Variants in DPYSL3 observed in about 807,000 individuals in gnomAD.
The protein encoded by DPYSL3 is dihydropyrimidinase like 3.
DPYSL3 carries 16 observed loss-of-function variants against 66.1 expected under a neutral mutation model. The observed-to-expected ratio is 0.24, with a 90% CI of 0.16 to 0.37. The LOEUF (loss-of-function observed/expected upper bound fraction) is 0.37. Among genes scored for constraint, DPYSL3 ranks in the 10% least tolerant of loss-of-function variants. The pLI is 1.00. For synonymous variants in DPYSL3, 338 were observed against 345.1 expected, an observed-to-expected ratio of 0.98 and a Z score of 0.23; for missense variants, 738 against 916.2, an observed-to-expected ratio of 0.81 and a Z score of 2.51.
Position 147,393,835 on chromosome 5 carries a change from C to T in DPYSL3, c.*200G>A. 1.7e-6 allele frequency: 1 copy of T among 602,672 alleles called. No homozygotes were observed. The highest frequency in any genetic ancestry group is 2.9e-6 in the Non-Finnish European group (1 of 342,280). The allele number at this position is 602,672 out of a possible 1,614,324, so 37.3% of individuals were successfully genotyped here. A position where few individuals can be genotyped will look rare whatever the true frequency, so the allele number is the denominator to read the frequency against. On this transcript the variant is annotated 3_prime_UTR_variant, in exon 14 of 14. Coordinates refer to ENST00000343218, the MANE Select transcript of DPYSL3 (RefSeq NM_001197294.2). ...GGGAGGGGAGTCAAACAAATCAAGG[C>T]TATGCATAAACAGAAAACAAAGCAA...
intron 3 of DPYSL3, 28 bp downstream of exon 3, chr5:147,418,419 C>A: frequency 6.4e-7 from 1 of 1,573,664 alleles, no homozygotes. Flanking sequence ...TTCTGAGAAA[C>A]AGGAGTGTGT....
At chr5:147,416,653 G>GA in intron 3 of DPYSL3, among the ~76,000 whole-genome samples, 2 of 152,266 alleles carry the variant, frequency 1.3e-5, no homozygotes, top group South Asian at 4.1e-4. Flanking sequence ...GAGCAGCTCT[G>GA]AAATATACAT....
intron 1 of DPYSL3, among the ~76,000 whole-genome samples, chr5:147,493,502 A>G (rs918253227): frequency 1.3e-5 from 2 of 152,076 alleles, no homozygotes; most frequent in Admixed American, 6.5e-5. Context: ...ACTTGGGCCT[A>G]GGAAGTCACA....
intron 5 of DPYSL3, among the ~76,000 whole-genome samples, chr5:147,413,075 C>A (rs575804282): frequency 6.6e-6 from 1 of 152,302 alleles, no homozygotes; most frequent in South Asian, 2.1e-4. Flanking sequence ...AACACAAAAA[C>A]TGAAACCCTT....
rs555937218 is a variant in DPYSL3, at chr5:147,493,251, G to C, written c.381+16227C>G. Among the ~76,000 whole-genome samples the C allele has an allele frequency of 2.6e-5, 4 of 152,278 alleles. No homozygotes were observed. The South Asian group carries it at 8.3e-4, about 32-fold the overall frequency. ...AGAGATGAATCCATTATGATAGTTG[G>C]AAATTTTAACGCTTTTCTATCAGAA... On this transcript the variant is annotated intron_variant, in intron 1 of 13. Coordinates refer to ENST00000343218, the MANE Select transcript of DPYSL3 (RefSeq NM_001197294.2).
chr5:147,487,450 A>G (rs1259432210), intron 1 of DPYSL3, among the ~76,000 whole-genome samples: 1 of 152,180 alleles, frequency 6.6e-6, no homozygotes, highest in Non-Finnish European at 1.5e-5. Context: ...TTTCATATCA[A>G]AAAGTTGCTA....
intron 1 of DPYSL3, among the ~76,000 whole-genome samples, chr5:147,504,683 G>A (rs192416600): frequency 6.6e-6 from 1 of 152,240 alleles, no homozygotes; most frequent in East Asian, 1.9e-4. Flanking sequence ...AAAAGGTAAC[G>A]GCCACATCTC....
At chr5:147,400,600 C>A in intron 10 of DPYSL3, 92 bp downstream of exon 10, 1 of 1,508,716 alleles carries the variant, frequency 6.6e-7, no homozygotes, top group Admixed American at 1.8e-5. Context: ...TCTGCACTCG[C>A]AGTGTCACCA....
intron 11 of DPYSL3, 45 bp from the exon 12 acceptor site, chr5:147,397,890 A>C: frequency 6.6e-7 from 1 of 1,525,320 alleles, no homozygotes; most frequent in Admixed American, 1.9e-5. Flanking sequence ...GGGTAGAGAA[A>C]GAGGAACGTA....
At position 147,401,747 on chromosome 5, in the gene DPYSL3, C is replaced by A. The variant is rs534089493; in HGVS notation, c.1154-51G>T. On this transcript the variant is annotated intron_variant, in intron 8 of 13. Transcript: ENST00000343218. ...GGGTTAGCATAAAGTATATGCTGCA[C>A]TGGGCCAAGCCTATTTAATTTAGCT... 5.6e-6 allele frequency: 9 copies of A among 1,604,652 alleles called. No homozygotes were observed. The Admixed American group carries it at 6.8e-5, about 12-fold the overall frequency.
intron 1 of DPYSL3, among the ~76,000 whole-genome samples, chr5:147,488,232 A>C (rs999990661): frequency 6.6e-6 from 1 of 152,206 alleles, no homozygotes; most frequent in Non-Finnish European, 1.5e-5. Context: ...AGAAAACATC[A>C]GAAGCTAGGA....
At chr5:147,507,605 C>A (rs1193464054) in intron 1 of DPYSL3, among the ~76,000 whole-genome samples, 1 of 152,138 alleles carries the variant, frequency 6.6e-6, no homozygotes, top group Non-Finnish European at 1.5e-5. Context: ...ACTTGATAAC[C>A]TCCGTGGTCT....
chr5:147,453,188 A>T (rs1434024263), intron 1 of DPYSL3, among the ~76,000 whole-genome samples: 1 of 152,132 alleles, frequency 6.6e-6, no homozygotes, highest in Non-Finnish European at 1.5e-5. Flanking sequence ...TTAGACAAAA[A>T]GCACACCTCA....
At chr5:147,394,880 CTT>C (rs1561768912) in intron 13 of DPYSL3, among the ~76,000 whole-genome samples, 1 of 152,112 alleles carries the variant, frequency 6.6e-6, no homozygotes, top group Non-Finnish European at 1.5e-5. Flanking sequence ...CTTTAAATGT[CTT>C]TCTTTTCTTG....
Position 147,393,880 on chromosome 5 carries a change from G to T in DPYSL3, c.*155C>A. On this transcript the variant is annotated 3_prime_UTR_variant, in exon 14 of 14. Transcript: ENST00000343218. Reference sequence around the variant, plus strand: ...AAGCAATATTCGTAAAGCTAGGCAAGCGAGCGTAACATTGGAGAAACATAA... The same window carrying T: ...AAGCAATATTCGTAAAGCTAGGCAATCGAGCGTAACATTGGAGAAACATAA... 1.3e-6 allele frequency: 1 copy of T among 748,242 alleles called. No individual in the cohort carries two copies. The allele number at this position is 748,242 out of a possible 1,614,324, so 46.4% of individuals were successfully genotyped here.
At chr5:147,498,903 T>C (rs1753561952) in intron 1 of DPYSL3, among the ~76,000 whole-genome samples, 1 of 152,236 alleles carries the variant, frequency 6.6e-6, no homozygotes, top group African/African-American at 2.4e-5. Flanking sequence ...TTTCTTTTGC[T>C]GTGCAGAAGC....
intron 1 of DPYSL3, among the ~76,000 whole-genome samples, chr5:147,441,729 CTCAA>C (rs1325177821): frequency 1.3e-5 from 2 of 152,166 alleles, no homozygotes; most frequent in East Asian, 3.8e-4. Flanking sequence ...TCCACATTTT[CTCAA>C]TCATTCAAAT....
intron 3 of DPYSL3, among the ~76,000 whole-genome samples, chr5:147,417,148 C>T (rs966623842): frequency 1.3e-5 from 2 of 152,154 alleles, no homozygotes; most frequent in African/African-American, 2.4e-5. Context: ...ACTCTCGTCA[C>T]GGGGAATCTG....
At chr5:147,476,373 G>C (rs918856087) in intron 1 of DPYSL3, among the ~76,000 whole-genome samples, 1 of 152,042 alleles carries the variant, frequency 6.6e-6, no homozygotes, top group Non-Finnish European at 1.5e-5. Context: ...GATGAGTAGA[G>C]AAATATGGTA....
Sources: allele counts gnomAD v4.1 joint callset (sites outside exome capture counted in the v4.1 genomes callset), GRCh38; gene constraint gnomAD v4.1.1; transcripts MANE v1.5; gene names NCBI Gene and HGNC (gene_info 2026-07-23, HGNC 2026-07-21).